Variants in FRMD5 observed in about 807,000 individuals in gnomAD.
FRMD5 encodes the protein FERM domain containing 5, also known as FERM domain-containing protein 5.
A neutral mutation model predicts 69.0 loss-of-function variants in FRMD5; 20 were observed. The observed-to-expected ratio is 0.29, with a 90% CI of 0.20 to 0.42. The LOEUF (loss-of-function observed/expected upper bound fraction) is 0.42. FRMD5 is among the 10% of genes least tolerant of loss of function. The pLI, the probability that FRMD5 is intolerant of heterozygous loss-of-function variation, is 1.00. For synonymous variants in FRMD5, 271 were observed against 260.1 expected, an observed-to-expected ratio of 1.04 and a Z score of -0.40; for missense variants, 595 against 708.6, an observed-to-expected ratio of 0.84 and a Z score of 1.82.
At chr15:43,895,858 A>C (rs1218031243) in intron 7 of FRMD5, among the ~76,000 whole-genome samples, 1 of 152,158 alleles carries the variant, frequency 6.6e-6, no homozygotes, top group African/African-American at 2.4e-5. Flanking sequence ...CCACACTGAC[A>C]CCTTCCCTGG....
At chr15:43,967,958 C>T (rs2090320398) in intron 1 of FRMD5, among the ~76,000 whole-genome samples, 1 of 151,602 alleles carries the variant, frequency 6.6e-6, no homozygotes, top group African/African-American at 2.4e-5. Flanking sequence ...TGATGTTCCC[C>T]TCCCTGTGTC....
chr15:43,970,478 G>A (rs1218790243), intron 1 of FRMD5, among the ~76,000 whole-genome samples: 2 of 152,160 alleles, frequency 1.3e-5, no homozygotes, highest in African/African-American at 4.8e-5. Flanking sequence ...CTTTGTTGCT[G>A]TTGTCGTTGT....
chr15:43,909,325 G>A (rs1284586325), intron 5 of FRMD5, among the ~76,000 whole-genome samples: 1 of 151,722 alleles, frequency 6.6e-6, no homozygotes, highest in Non-Finnish European at 1.5e-5. Context: ...GCTTGAACCT[G>A]GGGGGCAGAG....
intron 13 of FRMD5, among the ~76,000 whole-genome samples, chr15:43,878,159 C>T (rs772123821): frequency 2.0e-5 from 3 of 152,052 alleles, no homozygotes; most frequent in East Asian, 1.9e-4. Flanking sequence ...TGTGCCACCA[C>T]GCCTAGCTAA....
intron 1 of FRMD5, among the ~76,000 whole-genome samples, chr15:44,162,248 G>A (rs955082245): frequency 1.4e-5 from 2 of 142,134 alleles, no homozygotes; most frequent in Non-Finnish European, 3.0e-5. Context: ...ACAGGTGTGA[G>A]CCACCGTGCC....
intron 1 of FRMD5, among the ~76,000 whole-genome samples, chr15:44,006,542 A>C (rs1386368296): frequency 6.6e-6 from 1 of 152,230 alleles, no homozygotes; most frequent in Non-Finnish European, 1.5e-5. Context: ...ATCTAGGCAA[A>C]GTAAATTGAA....
chr15:44,165,432 T>G (rs1253000593), intron 1 of FRMD5, among the ~76,000 whole-genome samples: 1 of 150,808 alleles, frequency 6.6e-6, no homozygotes, highest in Non-Finnish European at 1.5e-5. Context: ...AATCAATCAA[T>G]CAATCAATCA....
chr15:44,019,907 A>G (rs553750021), intron 1 of FRMD5, among the ~76,000 whole-genome samples: 1 of 152,092 alleles, frequency 6.6e-6, no homozygotes, highest in African/African-American at 2.4e-5. Flanking sequence ...GCAGATATGC[A>G]TCTTTTGAGT....
At chr15:44,171,540 T>C (rs1595552905) in intron 1 of FRMD5, among the ~76,000 whole-genome samples, 1 of 152,198 alleles carries the variant, frequency 6.6e-6, no homozygotes, top group South Asian at 2.1e-4. Flanking sequence ...GTAGTATCTT[T>C]AGAAATTATT....
chr15:44,010,123 T>C (rs1890646832), intron 1 of FRMD5, among the ~76,000 whole-genome samples: 1 of 152,234 alleles, frequency 6.6e-6, no homozygotes, highest in Non-Finnish European at 1.5e-5. Flanking sequence ...GATCAGGCTA[T>C]TGTTGAGGAC....
chr15:44,159,043 C>T lies in FRMD5; in HGVS notation c.102+35910G>A, dbSNP rs111719686. On this transcript the variant is annotated intron_variant, in intron 1 of 13. Transcript: ENST00000417257. ...TTCTCAGACAATGTAGCACTAGAAC[C>T]AAGCCTAGAGAGATCCTTAGGAGGA... Among the ~76,000 whole-genome samples the T allele has an allele frequency of 4.0e-3, 602 of 151,940 alleles. 5 individuals are homozygous for T. Among genetic ancestry groups the T allele is most frequent in the African/African-American group, 0.014 (562 of 41,500 alleles).
At chr15:44,163,294 T>C (rs1234476914) in intron 1 of FRMD5, among the ~76,000 whole-genome samples, 1 of 152,256 alleles carries the variant, frequency 6.6e-6, no homozygotes, top group Non-Finnish European at 1.5e-5. Context: ...CACTTCTTGA[T>C]TATATTCAAT....
chr15:43,996,362 C>G (rs1048951401), intron 1 of FRMD5, among the ~76,000 whole-genome samples: 1 of 152,142 alleles, frequency 6.6e-6, no homozygotes, highest in Non-Finnish European at 1.5e-5. Flanking sequence ...CCGGTACTCA[C>G]TCTCCTTCCC....
chr15:44,010,316 A>G (rs577998443), intron 1 of FRMD5, among the ~76,000 whole-genome samples: 1 of 152,292 alleles, frequency 6.6e-6, no homozygotes, highest in South Asian at 2.1e-4. Flanking sequence ...ACAATCAGTT[A>G]CCAGAAGCTC....
At chr15:43,902,665 G>A (rs2089074956) in intron 6 of FRMD5, among the ~76,000 whole-genome samples, 1 of 142,994 alleles carries the variant, frequency 7.0e-6, no homozygotes, top group Admixed American at 7.1e-5. Context: ...ACTCCACCCT[G>A]AGTGACAGAA....
At chr15:44,099,914 T>G (rs112064927) in intron 1 of FRMD5, among the ~76,000 whole-genome samples, 4 of 152,196 alleles carry the variant, frequency 2.6e-5, no homozygotes, top group African/African-American at 9.6e-5. Context: ...AAGCAATTTT[T>G]GCTAGCTTTC....
At chr15:44,034,091 A>C (rs965195759) in intron 1 of FRMD5, among the ~76,000 whole-genome samples, 1 of 152,224 alleles carries the variant, frequency 6.6e-6, no homozygotes, top group Non-Finnish European at 1.5e-5. Flanking sequence ...GAATTTAGCC[A>C]GGCTGCTGAG....
At chr15:44,094,745 T>C (rs1348966295) in intron 1 of FRMD5, among the ~76,000 whole-genome samples, 3 of 152,168 alleles carry the variant, frequency 2.0e-5, no homozygotes, top group African/African-American at 7.2e-5. Flanking sequence ...TACTGATATA[T>C]GAATATCAAT....
At chr15:43,954,957 A>C (rs2090091531) in intron 1 of FRMD5, among the ~76,000 whole-genome samples, 1 of 152,218 alleles carries the variant, frequency 6.6e-6, no homozygotes, top group Non-Finnish European at 1.5e-5. Context: ...TATTATCTAA[A>C]GGGAGTATGC....
Sources: allele counts gnomAD v4.1 joint callset (sites outside exome capture counted in the v4.1 genomes callset), GRCh38; gene constraint gnomAD v4.1.1; transcripts MANE v1.5; gene names NCBI Gene and HGNC (gene_info 2026-07-23, HGNC 2026-07-21).